RALY: variants seen among roughly 807,000 people sequenced by gnomAD.
RALY encodes the protein RNA-binding protein Raly.
A neutral mutation model predicts 30.7 loss-of-function variants in RALY; 15 were observed. The observed-to-expected ratio is 0.49, with a 90% confidence interval of 0.33 to 0.75. The LOEUF (loss-of-function observed/expected upper bound fraction) is 0.75. RALY is among the 30% of genes least tolerant of loss of function. The pLI, the probability that RALY is intolerant of heterozygous loss-of-function variation, is 0.02. For missense variants in RALY, 339 were observed against 414.3 expected (o/e 0.82, Z 1.58); for synonymous variants, 177 against 170.8 (o/e 1.04, Z -0.28).
intron 1 of RALY, among the ~76,000 whole-genome samples, chr20:34,024,893 C>T (rs2031962238): frequency 6.6e-6 from 1 of 152,180 alleles, no homozygotes. Context: ...TCTGGGAGAA[C>T]TGCAAGACCA....
At chr20:34,041,162 A>T (rs1568673908) in intron 2 of RALY, among the ~76,000 whole-genome samples, 1 of 152,192 alleles carries the variant, frequency 6.6e-6, no homozygotes, top group Non-Finnish European at 1.5e-5. Context: ...TTGAATAGAG[A>T]GAGTATTTCA....
At chr20:34,000,849 A>G (rs2030881029) in intron 1 of RALY, among the ~76,000 whole-genome samples, 1 of 152,220 alleles carries the variant, frequency 6.6e-6, no homozygotes, top group South Asian at 2.1e-4. Flanking sequence ...TGCCAAACCC[A>G]TGTTAATTGT....
intron 2 of RALY, among the ~76,000 whole-genome samples, chr20:34,041,393 A>G (rs2032693981): frequency 6.6e-6 from 1 of 152,190 alleles, no homozygotes; most frequent in African/African-American, 2.4e-5. Context: ...CTGTGAAGAA[A>G]CTGAAGGAAT....
chr20:34,037,521 C>G (rs2032541949), intron 2 of RALY, among the ~76,000 whole-genome samples: 1 of 152,150 alleles, frequency 6.6e-6, no homozygotes, highest in Non-Finnish European at 1.5e-5. Context: ...TTAAATAAGG[C>G]TTACAGTGCA....
At chr20:34,031,363 C>T (rs746800314) in intron 1 of RALY, among the ~76,000 whole-genome samples, 159 bp from the exon 2 acceptor site, 1 of 151,984 alleles carries the variant, frequency 6.6e-6, no homozygotes, top group South Asian at 2.1e-4. Context: ...GCCAGGCGTG[C>T]CTTATTTTTC....
At chr20:34,058,188 T>G (rs533628936) in intron 2 of RALY, among the ~76,000 whole-genome samples, 48 of 152,178 alleles carry the variant, frequency 3.2e-4, no homozygotes, top group African/African-American at 1.0e-3. Context: ...ATTGATGAGT[T>G]TAGAAGTTCA....
chr20:33,995,722 A>G (rs997551172), intron 1 of RALY, among the ~76,000 whole-genome samples: 7 of 152,152 alleles, frequency 4.6e-5, no homozygotes, highest in African/African-American at 1.7e-4. Flanking sequence ...CAACTTTTTC[A>G]TATCTGCCTT....
rs920662129 is a variant in RALY at position 34,084,296 on chromosome 20, G to C, written c.*4391G>C. 6.6e-6 allele frequency: 1 copy of C among 152,276 alleles called. No homozygotes were observed. The highest frequency in any genetic ancestry group is 6.5e-5 in the Admixed American group (1 of 15,278). The allele number at this position is 152,276 out of a possible 1,614,324, so 9.4% of individuals were successfully genotyped here. A position where few individuals can be genotyped will look rare whatever the true frequency, so the allele number is the denominator to read the frequency against. ...TGATCCTGCCGCTGCACTCCAGCCT[G>C]GGTGACAAAGCGAGACCCCAACTCA... On this transcript the variant is annotated 3_prime_UTR_variant, in exon 10 of 10. Transcript: ENST00000246194.
chr20:34,043,418 C>A (rs1236158992), intron 2 of RALY, among the ~76,000 whole-genome samples: 1 of 152,218 alleles, frequency 6.6e-6, no homozygotes. Context: ...TCTTAATAAT[C>A]TGTCTCTGGC....
intron 1 of RALY, among the ~76,000 whole-genome samples, chr20:34,021,939 A>G (rs935507226): frequency 3.3e-5 from 5 of 151,292 alleles, no homozygotes; most frequent in Non-Finnish European, 5.9e-5. Context: ...TTTTTTAAAT[A>G]GAGACGGGTC....
chr20:34,036,200 T>C (rs1411467788), intron 2 of RALY, among the ~76,000 whole-genome samples: 1 of 152,126 alleles, frequency 6.6e-6, no homozygotes, highest in Non-Finnish European at 1.5e-5. Flanking sequence ...CAGCGTTGAA[T>C]AGAATTGATA....
chr20:34,040,158 T>C (rs1276604189), intron 2 of RALY, among the ~76,000 whole-genome samples: 1 of 150,420 alleles, frequency 6.6e-6, no homozygotes, highest in Non-Finnish European at 1.5e-5. Flanking sequence ...ACACAGAGAA[T>C]TATTTAGAAG....
intron 1 of RALY, among the ~76,000 whole-genome samples, chr20:33,995,885 A>G (rs1420325051): frequency 1.3e-5 from 2 of 152,164 alleles, no homozygotes; most frequent in Non-Finnish European, 2.9e-5. Flanking sequence ...CACTTCTTAA[A>G]AGGGCACGAA....
chr20:34,036,853 G>C (rs1188105194), intron 2 of RALY, among the ~76,000 whole-genome samples: 1 of 151,768 alleles, frequency 6.6e-6, no homozygotes, highest in Admixed American at 6.6e-5. Flanking sequence ...TCTAGATACA[G>C]GTTTGTTGAT....
rs774531639 is a variant in RALY, at chr20:34,077,213, G to T, written c.844G>T (p.Glu282Ter). ...ACGGACCCGAGACGACGGCGATGAG[G>T]AAGGGCTCCTGACACACAGCGAGGA... ...EARTRDDGDE[E>*]GLLTHSEEEL... The change falls in exon 8 of 10, where the codon GAA (glutamate) becomes TAA (stop). Residue 282 changes from glutamate (E) to a stop codon, truncating the protein, a stop_gained. Coordinates refer to ENST00000246194, the MANE Select transcript of RALY (RefSeq NM_016732.3). LOFTEE classifies it high-confidence loss of function. The T allele has an allele frequency of 1.9e-6, 3 of 1,613,906 alleles. No homozygotes were observed. The highest frequency in any genetic ancestry group is 1.7e-6 in the Non-Finnish European group (2 of 1,179,932).
chr20:34,027,342 A>G (rs1193299508), intron 1 of RALY, among the ~76,000 whole-genome samples: 1 of 152,202 alleles, frequency 6.6e-6, no homozygotes, highest in African/African-American at 2.4e-5. Context: ...TTGGTTGTAA[A>G]ATGGACATGT....
At position 34,027,407 on chromosome 20, in the gene RALY, T is replaced by A. The variant is rs550361292; in HGVS notation, c.-92-4115T>A. 9.2e-5 allele frequency among the ~76,000 whole-genome samples: 14 copies of A among 152,334 alleles called. No individual in the cohort carries two copies. In the South Asian group the frequency reaches 2.5e-3, roughly 27 times the overall value. On this transcript the variant is annotated intron_variant, in intron 1 of 9. Transcript: ENST00000246194. Reference sequence around the variant, plus strand: ...ATTAACAGTTTAACACCCAGCCGTGTGCCTGAGGCATAGTAGCAGCCCATG... The same window carrying A: ...ATTAACAGTTTAACACCCAGCCGTGAGCCTGAGGCATAGTAGCAGCCCATG...
At chr20:34,060,557 T>C (rs1021206653) in intron 2 of RALY, among the ~76,000 whole-genome samples, 3 of 152,234 alleles carry the variant, frequency 2.0e-5, no homozygotes, top group Non-Finnish European at 2.9e-5. Flanking sequence ...CCTAGAGATA[T>C]GTATTGCTAT....
At chr20:34,072,365 T>A (rs1437584573) in intron 3 of RALY, 35 bp downstream of exon 3, 2 of 1,588,696 alleles carry the variant, frequency 1.3e-6, no homozygotes, top group Admixed American at 3.4e-5. Flanking sequence ...CCTAGTATTC[T>A]CTAGAATAGC....
Sources: allele counts gnomAD v4.1 joint callset (sites outside exome capture counted in the v4.1 genomes callset), GRCh38; gene constraint gnomAD v4.1.1; transcripts MANE v1.5; gene names NCBI Gene and HGNC (gene_info 2026-07-23, HGNC 2026-07-21).